CEP70: variants seen among roughly 807,000 people sequenced by gnomAD.
CEP70 encodes the protein centrosomal protein of 70 kDa.
In CEP70, 70 loss-of-function variants were observed where a neutral mutation model predicts 90.9. The observed-to-expected ratio is 0.77, with a 90% CI of 0.64 to 0.94. The LOEUF (loss-of-function observed/expected upper bound fraction) is 0.94. Ranked by LOEUF, CEP70 falls within the 40% of genes least tolerant of loss-of-function variation. The pLI is 0.00. For missense variants in CEP70, 648 were observed against 669.0 expected, an observed-to-expected ratio of 0.97 and a Z score of 0.35; for synonymous variants, 220 against 228.3, an observed-to-expected ratio of 0.96 and a Z score of 0.33.
chr3:138,523,121 A>C (rs1393788547), intron 11 of CEP70, among the ~76,000 whole-genome samples: 1 of 152,168 alleles, frequency 6.6e-6, no homozygotes. Context: ...CAAAGACAAA[A>C]ACCATATAAT....
At chr3:138,593,508 C>T (rs2042493512) in intron 1 of CEP70, among the ~76,000 whole-genome samples, 1 of 152,226 alleles carries the variant, frequency 6.6e-6, no homozygotes, top group Non-Finnish European at 1.5e-5. Context: ...CAGGCGTAAG[C>T]CACTGCGCCC....
chr3:138,576,543 C>T (rs2041537534), intron 2 of CEP70, among the ~76,000 whole-genome samples: 1 of 152,114 alleles, frequency 6.6e-6, no homozygotes, highest in South Asian at 2.1e-4. Flanking sequence ...GACAGATCAA[C>T]AAGACAGAAG....
At chr3:138,537,080 AT>A in intron 7 of CEP70, 97 bp downstream of exon 7, 1 of 735,838 alleles carries the variant, frequency 1.4e-6, no homozygotes, top group Non-Finnish European at 2.0e-6. Flanking sequence ...TTTCTAGTTT[AT>A]AAGAGTTATA....
At chr3:138,540,360 G>A (rs565939035) in intron 6 of CEP70, among the ~76,000 whole-genome samples, 167 of 152,062 alleles carry the variant, frequency 1.1e-3, no homozygotes, top group African/African-American at 3.8e-3. Flanking sequence ...ATGTGGTGGC[G>A]CATGCCTGTA....
In CEP70 at chr3:138,529,656, C is replaced by T. The variant is rs1265055984; in HGVS notation, c.693-194G>A. ...TTATAGTACATACAGTATCCATTTACTCTCTTTTTACTTAGAATATATGAT... is the reference window on the plus strand; with the variant it reads ...TTATAGTACATACAGTATCCATTTATTCTCTTTTTACTTAGAATATATGAT... On this transcript the variant is annotated intron_variant, in intron 8 of 17. Coordinates refer to ENST00000264982, the MANE Select transcript of CEP70 (RefSeq NM_024491.4). 3.3e-5 allele frequency among the ~76,000 whole-genome samples: 5 copies of T among 152,142 alleles called. No homozygotes were observed. The East Asian group carries it at 9.6e-4, about 29-fold the overall frequency.
rs201902300 is a variant in CEP70, at chr3:138,514,041, T to C, written c.945-5497A>G. 5.3e-5 allele frequency among the ~76,000 whole-genome samples: 8 copies of C among 152,260 alleles called. No homozygotes were observed. The East Asian group carries it at 1.5e-3, about 29-fold the overall frequency. On this transcript the variant is annotated intron_variant, in intron 11 of 17. Transcript: ENST00000264982. ...TTCCATTTTCTTGTAGCATTTCCTTTAGAAAATCTGTAACTACAAATCCTT... is the reference window on the plus strand; with the variant it reads ...TTCCATTTTCTTGTAGCATTTCCTTCAGAAAATCTGTAACTACAAATCCTT...
At chr3:138,562,528 A>G (rs1419475997) in intron 6 of CEP70, among the ~76,000 whole-genome samples, 2 of 152,240 alleles carry the variant, frequency 1.3e-5, no homozygotes, top group Non-Finnish European at 2.9e-5. Flanking sequence ...GAAACCCTAC[A>G]AGCCAGAGGA....
chr3:138,529,347 G>A (rs1188555780), intron 9 of CEP70, 28 bp downstream of exon 9: 1 of 1,567,806 alleles, frequency 6.4e-7, no homozygotes, highest in Non-Finnish European at 8.7e-7. Context: ...TTATTAAAAA[G>A]TATTTATTAG....
intron 11 of CEP70, among the ~76,000 whole-genome samples, chr3:138,508,902 T>G (rs1386788389): frequency 6.6e-6 from 1 of 151,752 alleles, no homozygotes; most frequent in Non-Finnish European, 1.5e-5. Context: ...CCTGGCTAAT[T>G]TTTTATATTT....
intron 6 of CEP70, among the ~76,000 whole-genome samples, chr3:138,566,623 A>G (rs1277895111): frequency 2.0e-5 from 3 of 152,054 alleles, no homozygotes; most frequent in Non-Finnish European, 2.9e-5. Flanking sequence ...GAACACATGG[A>G]CACAGCAAGG....
intron 2 of CEP70, among the ~76,000 whole-genome samples, chr3:138,588,355 T>A (rs1004668200): frequency 2.6e-5 from 4 of 152,128 alleles, no homozygotes; most frequent in Non-Finnish European, 5.9e-5. Context: ...ATCCAGAATA[T>A]ATAGGGAACT....
intron 6 of CEP70, among the ~76,000 whole-genome samples, chr3:138,567,717 A>T (rs1651739266): frequency 6.6e-6 from 1 of 152,152 alleles, no homozygotes; most frequent in African/African-American, 2.4e-5. Context: ...CTGCAAATTT[A>T]TTGGGGGTGG....
chr3:138,500,353 T>C, intron 15 of CEP70, 46 bp downstream of exon 15: 2 of 1,537,822 alleles, frequency 1.3e-6, no homozygotes, highest in South Asian at 2.6e-5. Flanking sequence ...GTTAATTTAT[T>C]AAAAATTCTT....
In CEP70 at chr3:138,514,096, T is replaced by C. The variant is rs575428653; in HGVS notation, c.945-5552A>G. Among the ~76,000 whole-genome samples the C allele has an allele frequency of 2.0e-5, 3 of 152,328 alleles. No homozygotes were observed. The South Asian group carries it at 6.2e-4, about 32-fold the overall frequency. ...CTCTTTAAGATGTACATAAATCTTA[T>C]TAAGAGCTAAAGAAGGCTCTTGCCA... On this transcript the variant is annotated intron_variant, in intron 11 of 17. Transcript: ENST00000264982.
At chr3:138,525,592 A>G (rs1266340087) in intron 10 of CEP70, 28 bp from the exon 11 acceptor site, 1 of 1,086,126 alleles carries the variant, frequency 9.2e-7, no homozygotes. Context: ...TGATAAATTA[A>G]TTCAATTTAC....
rs1489170887 is a variant in CEP70 at position 138,509,386 on chromosome 3, G to C, written c.945-842C>G. ...ATGGCAATGCCTGGGCCAGTCAAGA[G>C]GGCGTGGAGATCCAACAGACCATTA... is the stretch of plus-strand genomic sequence containing the variant. On this transcript the variant is annotated intron_variant, in intron 11 of 17. Transcript: ENST00000264982. 2.0e-5 allele frequency among the ~76,000 whole-genome samples: 3 copies of C among 152,300 alleles called. No homozygotes were observed. The East Asian group carries it at 5.8e-4, about 29-fold the overall frequency.
intron 11 of CEP70, among the ~76,000 whole-genome samples, chr3:138,520,581 C>CTA (rs2036519023): frequency 6.6e-6 from 1 of 152,162 alleles, no homozygotes; most frequent in Non-Finnish European, 1.5e-5. Flanking sequence ...TCCTGAATGA[C>CTA]TACTGGGTAC....
intron 6 of CEP70, among the ~76,000 whole-genome samples, chr3:138,553,451 G>T (rs2039768423): frequency 1.3e-5 from 2 of 151,376 alleles, no homozygotes; most frequent in African/African-American, 4.9e-5. Context: ...CTGCACTCCA[G>T]CCTTGGCGAC....
chr3:138,507,020 G>C (rs538312188), intron 12 of CEP70, among the ~76,000 whole-genome samples: 6 of 152,134 alleles, frequency 3.9e-5, no homozygotes, highest in South Asian at 4.2e-4. Context: ...TAAGATTACA[G>C]GCATGAGCCA....
Sources: gnomAD v4.1 joint callset for allele counts (sites outside exome capture counted in the v4.1 genomes callset) on GRCh38, gnomAD v4.1.1 for gene constraint, MANE v1.5 for transcripts, NCBI Gene and HGNC (gene_info 2026-07-23, HGNC 2026-07-21) for gene names.